The following PRKCA variants were observed in gnomAD, a reference collection of about 807,000 sequenced individuals.
PRKCA encodes the protein protein kinase C alpha type.
A neutral mutation model predicts 87.0 loss-of-function variants in PRKCA; 27 were observed. The ratio of observed to expected loss-of-function variants is 0.31; its 90% CI spans 0.23 to 0.43. The LOEUF is 0.43. Ranked by LOEUF, PRKCA falls within the 20% of genes least tolerant of loss-of-function variation. The pLI is 1.00. For missense variants in PRKCA, 518 were observed against 852.3 expected (o/e 0.61, Z 4.88); for synonymous variants, 329 against 311.1 (o/e 1.06, Z -0.61).
intron 5 of PRKCA, among the ~76,000 whole-genome samples, chr17:66,659,736 G>A (rs992191970): frequency 3.9e-5 from 6 of 151,958 alleles, no homozygotes; most frequent in South Asian, 2.1e-4. Context: ...GTGAGACTCC[G>A]TCACAAAAAA....
chr17:66,564,486 T>A (rs1477406355), intron 3 of PRKCA, among the ~76,000 whole-genome samples: 1 of 152,214 alleles, frequency 6.6e-6, no homozygotes, highest in African/African-American at 2.4e-5. Flanking sequence ...GCGTGGCTTT[T>A]GTCCATGGTG....
chr17:66,742,974 C>T (rs1272498985), intron 13 of PRKCA, among the ~76,000 whole-genome samples: 1 of 152,200 alleles, frequency 6.6e-6, no homozygotes, highest in African/African-American at 2.4e-5. Context: ...CTGTTGTTTG[C>T]TCCATGTGAG....
intron 16 of PRKCA, among the ~76,000 whole-genome samples, chr17:66,802,906 TTGAAAATCATTC>T (rs1410740062): frequency 6.6e-6 from 1 of 152,212 alleles, no homozygotes; most frequent in African/African-American, 2.4e-5. Flanking sequence ...TGGCAGCATC[TTGAAAATCATTC>T]TTAGGATCCT....
chr17:66,700,427 C>T (rs1008320486), intron 8 of PRKCA, among the ~76,000 whole-genome samples: 10 of 152,116 alleles, frequency 6.6e-5, no homozygotes, highest in Non-Finnish European at 1.5e-4. Flanking sequence ...CACTTCTATT[C>T]AACATAGTCC....
intron 14 of PRKCA, among the ~76,000 whole-genome samples, chr17:66,784,395 G>A (rs1440952869): frequency 2.6e-5 from 4 of 152,174 alleles, no homozygotes; most frequent in Non-Finnish European, 4.4e-5. Flanking sequence ...ACAGGCGTGC[G>A]CCACCACAGT....
chr17:66,473,574 T>C (rs1915417493), intron 2 of PRKCA, among the ~76,000 whole-genome samples: 1 of 152,170 alleles, frequency 6.6e-6, no homozygotes, highest in Admixed American at 6.5e-5. Flanking sequence ...GAGAGCATCA[T>C]GATAACTGCG....
chr17:66,784,347 G>A (rs1450077177), intron 14 of PRKCA, among the ~76,000 whole-genome samples: 1 of 152,248 alleles, frequency 6.6e-6, no homozygotes, highest in Non-Finnish European at 1.5e-5. Flanking sequence ...CTGGGTTCAA[G>A]TGATTCTCGT....
At chr17:66,550,597 C>T (rs966912671) in intron 3 of PRKCA, among the ~76,000 whole-genome samples, 5 of 151,660 alleles carry the variant, frequency 3.3e-5, no homozygotes, top group African/African-American at 4.9e-5. Context: ...AGCAGTGAAC[C>T]GAGATCGTGC....
At chr17:66,347,041 A>AT (rs897898832) in intron 2 of PRKCA, among the ~76,000 whole-genome samples, 1 of 151,984 alleles carries the variant, frequency 6.6e-6, no homozygotes, top group African/African-American at 2.4e-5. Context: ...AAAAAAAAAA[A>AT]AAAATTATTG....
At chr17:66,580,990 A>G (rs1307185836) in intron 3 of PRKCA, among the ~76,000 whole-genome samples, 1 of 152,162 alleles carries the variant, frequency 6.6e-6, no homozygotes, top group Non-Finnish European at 1.5e-5. Context: ...CACAAGTGGA[A>G]AGACAGTCTC....
chr17:66,594,665 G>A (rs1400571044), intron 3 of PRKCA, among the ~76,000 whole-genome samples: 1 of 151,904 alleles, frequency 6.6e-6, no homozygotes, highest in Non-Finnish European at 1.5e-5. Context: ...AAATTCCCCA[G>A]ATCCAAGAAA....
intron 2 of PRKCA, chr17:66,306,413 GA>G: frequency 3.1e-6 from 1 of 321,666 alleles, no homozygotes; most frequent in South Asian, 7.5e-5. Flanking sequence ...TGGGTGTTGA[GA>G]AAAAAATGGA....
intron 2 of PRKCA, among the ~76,000 whole-genome samples, chr17:66,309,884 G>A (rs535532497): frequency 4.8e-4 from 73 of 152,248 alleles, no homozygotes; most frequent in African/African-American, 1.6e-3. Context: ...AAGTCTGGAA[G>A]GTCTGTTTCC....
chr17:66,647,298 G>T (rs1388373719), intron 5 of PRKCA, among the ~76,000 whole-genome samples: 1 of 152,192 alleles, frequency 6.6e-6, no homozygotes, highest in Admixed American at 6.5e-5. Flanking sequence ...AATGCCTATG[G>T]CTAAACATGT....
chr17:66,531,889 C>T (rs1031078312), intron 3 of PRKCA, among the ~76,000 whole-genome samples: 1 of 152,184 alleles, frequency 6.6e-6, no homozygotes, highest in Non-Finnish European at 1.5e-5. Context: ...CCCCAGACCT[C>T]ATAGTCTGGA....
At chr17:66,540,431 G>A (rs1782739320) in intron 3 of PRKCA, among the ~76,000 whole-genome samples, 1 of 152,294 alleles carries the variant, frequency 6.6e-6, no homozygotes, top group African/African-American at 2.4e-5. Flanking sequence ...TGCTTTGGGG[G>A]TGAGGAGAGG....
chr17:66,383,058 AACAGAG>A (rs1909858353), intron 2 of PRKCA, among the ~76,000 whole-genome samples: 1 of 152,166 alleles, frequency 6.6e-6, no homozygotes, highest in African/African-American at 2.4e-5. Context: ...ATTATATCCT[AACAGAG>A]TAATTTTGTA....
At chr17:66,383,415 A>G (rs1909879764) in intron 2 of PRKCA, among the ~76,000 whole-genome samples, 1 of 150,986 alleles carries the variant, frequency 6.6e-6, no homozygotes, top group South Asian at 2.1e-4. Context: ...TTTTTTGGCT[A>G]AGTCAATGGG....
At chr17:66,716,352 T>C (rs1017140007) in intron 8 of PRKCA, among the ~76,000 whole-genome samples, 2 of 152,132 alleles carry the variant, frequency 1.3e-5, no homozygotes, top group Non-Finnish European at 2.9e-5. Flanking sequence ...AATGATTAAG[T>C]GCCCAAAGTT....
Sources: allele counts gnomAD v4.1 joint callset (sites outside exome capture counted in the v4.1 genomes callset), GRCh38; gene constraint gnomAD v4.1.1; transcripts MANE v1.5; gene names NCBI Gene and HGNC (gene_info 2026-07-23, HGNC 2026-07-21).